The following PDE4DIP variants were observed in gnomAD, a reference collection of about 807,000 sequenced individuals.
PDE4DIP encodes the protein myomegalin.
A neutral mutation model predicts 221.4 loss-of-function variants in PDE4DIP; 59 were observed. That is an observed-to-expected ratio of 0.27 (90% CI 0.22 to 0.33). The LOEUF is 0.33. Among genes scored for constraint, PDE4DIP ranks in the 10% least tolerant of loss-of-function variants. The pLI, the probability that PDE4DIP is intolerant of heterozygous loss-of-function variation, is 1.00. For synonymous variants in PDE4DIP, 404 were observed against 815.9 expected (o/e 0.50, Z 8.60); for missense variants, 1,036 against 2,154.2 (o/e 0.48, Z 10.28).
chr1:148,961,694 T>C (rs1425554127), intron 6 of PDE4DIP, 143 bp from the exon 10 acceptor site: 11 of 555,626 alleles, frequency 2.0e-5, no homozygotes, highest in Non-Finnish European at 3.2e-5. Context: ...CTTACCACTT[T>C]AATGGTTACT....
At chr1:148,963,872 GCCTCC>G (rs2057578181) in intron 9 of PDE4DIP, among the ~76,000 whole-genome samples, 1 of 139,776 alleles carries the variant, frequency 7.2e-6, no homozygotes, top group Non-Finnish European at 1.5e-5. Flanking sequence ...TCCTGCCTCA[GCCTCC>G]CAAGTAGCTG....
chr1:148,982,901 A>G (rs1286297776), intron 21 of PDE4DIP: 4 of 152,062 alleles, frequency 2.6e-5, no homozygotes, highest in Non-Finnish European at 4.4e-5. Flanking sequence ...TCTATAACAG[A>G]TAGAGCATCA....
intron 1 of PDE4DIP, among the ~76,000 whole-genome samples, chr1:148,905,296 G>A (rs1386700360): frequency 2.9e-5 from 3 of 102,774 alleles, no homozygotes; most frequent in Non-Finnish European, 5.6e-5. Flanking sequence ...CCATTCTCCT[G>A]CCTCAGCCTC....
At chr1:148,816,007 T>C (rs1267457563) in intron 1 of PDE4DIP, among the ~76,000 whole-genome samples, 2 of 75,614 alleles carry the variant, frequency 2.6e-5, no homozygotes, top group Admixed American at 2.8e-4. Flanking sequence ...TTTGACCTCC[T>C]GGGCTCAATC....
chr1:148,999,158 A>C (rs1435579583), intron 23 of PDE4DIP: 2 of 143,016 alleles, frequency 1.4e-5, no homozygotes, highest in Non-Finnish European at 3.0e-5. Flanking sequence ...TTACAAAAAT[A>C]GCAGGTAGCT....
At chr1:148,967,766 A>C in exon 13 of PDE4DIP, 1 of 1,526,978 alleles carries the variant, frequency 6.5e-7, no homozygotes, top group Non-Finnish European at 9.1e-7. Context: ...CTGGAAGTGG[A>C]ACAGTTATCT....
chr1:148,944,079 G>T (rs1326067769), intron 5 of PDE4DIP, among the ~76,000 whole-genome samples: 3 of 152,232 alleles, frequency 2.0e-5, no homozygotes, highest in African/African-American at 7.2e-5. Context: ...AGATGAGAAA[G>T]CTGTGGTTCC....
chr1:148,978,418 A>G lies in PDE4DIP; in HGVS notation c.2574+3A>G. 2 of 1,570,348 alleles carry G rather than the reference A, an allele frequency of 1.3e-6. No homozygotes were observed. The highest frequency in any genetic ancestry group is 1.7e-6 in the Non-Finnish European group (2 of 1,152,444). On this transcript the variant is annotated splice_donor_region_variant and intron_variant, in intron 19 of 43. Transcript: ENST00000369354. ...TTTCAGGAAACCGAAGACAACAGGTAAGTTACTGGAATATAAACCTTATTT... is the reference window on the plus strand; with the variant it reads ...TTTCAGGAAACCGAAGACAACAGGTGAGTTACTGGAATATAAACCTTATTT...
At chr1:148,963,042 G>A (rs1415729282) in intron 9 of PDE4DIP, among the ~76,000 whole-genome samples, 5 of 151,922 alleles carry the variant, frequency 3.3e-5, no homozygotes, top group African/African-American at 4.8e-5. Flanking sequence ...ACAGGCGCCC[G>A]CCACCATGCC....
Position 149,032,052 on chromosome 1 carries a change from G to T in PDE4DIP, c.*67G>T, listed in dbSNP as rs1055312. On this transcript the variant is annotated 3_prime_UTR_variant, in exon 44 of 44. Coordinates refer to ENST00000369354, the Ensembl canonical transcript of PDE4DIP. Reference sequence around the variant, plus strand: ...AAGTCCTTAAAACAGCAGGAAAGGTGGGCCTGTCCCCCTTTTGTGCAGCTA... The same window carrying T: ...AAGTCCTTAAAACAGCAGGAAAGGTTGGCCTGTCCCCCTTTTGTGCAGCTA... 76 of 1,610,804 alleles carry T rather than the reference G, an allele frequency of 4.7e-5. 1 individual carries two copies. The highest frequency in any genetic ancestry group is 2.8e-4 in the African/African-American group (21 of 74,940).
chr1:149,031,496 C>T (rs1224984102), intron 43 of PDE4DIP, among the ~76,000 whole-genome samples: 1 of 152,048 alleles, frequency 6.6e-6, no homozygotes, highest in Admixed American at 6.6e-5. Flanking sequence ...CCCCTCCACA[C>T]CCTCATTATG....
At chr1:148,927,065 A>G (rs2046881846) in intron 1 of PDE4DIP, among the ~76,000 whole-genome samples, 1 of 149,712 alleles carries the variant, frequency 6.7e-6, no homozygotes, top group South Asian at 2.2e-4. Flanking sequence ...TTATGTCTCA[A>G]ATATTGCAAA....
intron 22 of PDE4DIP, among the ~76,000 whole-genome samples, chr1:148,994,481 C>T (rs1475226763): frequency 4.1e-5 from 6 of 146,386 alleles, no homozygotes; most frequent in Admixed American, 6.8e-5. Context: ...GAAGAACAGA[C>T]GTTAGTAGAC....
chr1:148,961,453 C>T (rs1407455186), intron 6 of PDE4DIP, among the ~76,000 whole-genome samples: 3 of 151,922 alleles, frequency 2.0e-5, no homozygotes, highest in Non-Finnish European at 4.4e-5. Flanking sequence ...ATTTGGGATG[C>T]TGAACTTGTG....
chr1:148,971,075 A>G (rs1574593926), intron 14 of PDE4DIP, among the ~76,000 whole-genome samples: 1 of 152,244 alleles, frequency 6.6e-6, no homozygotes, highest in East Asian at 1.9e-4. Context: ...CTGTGCATTA[A>G]TAGTTAAAAA....
exon 23 of PDE4DIP, chr1:148,998,350 G>C: frequency 6.3e-7 from 1 of 1,591,562 alleles, no homozygotes; most frequent in Non-Finnish European, 8.6e-7. Context: ...TGAGGAAGCA[G>C]GATTCTCCTC....
At chr1:148,893,222 G>A (rs1553438978) in intron 1 of PDE4DIP, among the ~76,000 whole-genome samples, 1 of 137,744 alleles carries the variant, frequency 7.3e-6, no homozygotes, top group Non-Finnish European at 1.5e-5. Flanking sequence ...AAATTGCTGG[G>A]ATTACAGGCA....
Position 148,981,255 on chromosome 1 carries a change from G to C in PDE4DIP, c.2688-15G>C. The C allele has an allele frequency of 6.2e-7, 1 of 1,612,230 alleles. No individual in the cohort carries two copies. On this transcript the variant is annotated splice_polypyrimidine_tract_variant and intron_variant, in intron 20 of 43. Transcript: ENST00000369354. ...TGGCTAATCCACTTTCCTTCCATGT[G>C]GCATGTTTAATCAGCTCTGAGAGAG...
At chr1:149,009,368 T>A in intron 29 of PDE4DIP, 200 bp from the exon 33 acceptor site, 1 of 587,062 alleles carries the variant, frequency 1.7e-6, no homozygotes, top group Non-Finnish European at 3.0e-6. Flanking sequence ...CAGCATATTA[T>A]GTGGCCAGAG....
Sources: allele counts gnomAD v4.1 joint callset (sites outside exome capture counted in the v4.1 genomes callset), GRCh38; gene constraint gnomAD v4.1.1; transcripts MANE v1.5; gene names NCBI Gene and HGNC (gene_info 2026-07-23, HGNC 2026-07-21).